TUBD1: variants seen among roughly 807,000 people sequenced by gnomAD.
The protein encoded by TUBD1 is tubulin delta chain.
Under a neutral mutation model 51.2 loss-of-function variants are expected in TUBD1, and 38 were observed. That is an observed-to-expected ratio of 0.74 (90% CI 0.57 to 0.97). The LOEUF (loss-of-function observed/expected upper bound fraction) is 0.97, where lower values mean the gene tolerates loss of function less well. Among genes scored for constraint, TUBD1 ranks in the 50% least tolerant of loss-of-function variants. The pLI is 0.00. For synonymous variants in TUBD1, 169 were observed against 178.2 expected (o/e 0.95, Z 0.41); for missense variants, 489 against 538.4 (o/e 0.91, Z 0.91).
intron 1 of TUBD1, among the ~76,000 whole-genome samples, chr17:59,891,480 T>C (rs2041030741): frequency 6.6e-6 from 1 of 152,064 alleles, no homozygotes; most frequent in Non-Finnish European, 1.5e-5. Context: ...ATATTGGAGA[T>C]AGAACAGCTG....
At chr17:59,880,564 G>A (rs1369282221) in intron 4 of TUBD1, among the ~76,000 whole-genome samples, 1 of 152,016 alleles carries the variant, frequency 6.6e-6, no homozygotes, top group South Asian at 2.1e-4. Flanking sequence ...GCCCAGGCTG[G>A]AGTACGGTAG....
Position 59,860,431 on chromosome 17 carries a change from GAAAA to G in TUBD1, c.1260-11_1260-8del. 15 of 1,155,578 alleles carry G rather than the reference GAAAA, an allele frequency of 1.3e-5. No homozygotes were observed. The highest frequency in any genetic ancestry group is 4.8e-5 in the Admixed American group (2 of 41,392). The allele number at this position is 1,155,578 out of a possible 1,614,324, so 71.6% of individuals were successfully genotyped here. ...GTACTGATGAATGTAGGCTCTGGTA[GAAAA>G]AAAAAAAAAACAGAAATTACAAAAT... On this transcript the variant is annotated splice_region_variant and splice_polypyrimidine_tract_variant and intron_variant, in intron 8 of 8. Coordinates refer to ENST00000325752, the MANE Select transcript of TUBD1 (RefSeq NM_016261.4).
chr17:59,876,995 G>A (rs973279284), intron 5 of TUBD1, among the ~76,000 whole-genome samples: 15 of 152,064 alleles, frequency 9.9e-5, no homozygotes, highest in African/African-American at 3.4e-4. Flanking sequence ...GAGTAGCTGG[G>A]ATTACAGGTA....
intron 5 of TUBD1, among the ~76,000 whole-genome samples, chr17:59,876,663 TA>T (rs1199385226): frequency 6.6e-6 from 1 of 151,488 alleles, no homozygotes; most frequent in Non-Finnish European, 1.5e-5. Flanking sequence ...GGCCACTTTT[TA>T]AATTCTTAGT....
intron 5 of TUBD1, among the ~76,000 whole-genome samples, chr17:59,876,183 C>CT (rs58236573): frequency 0.56 from 83,379 of 149,216 alleles, 25,183 homozygotes; most frequent in African/African-American, 0.82. Context: ...GGCATGAATT[C>CT]TTTTTTTTTT....
chr17:59,878,032 C>G, intron 5 of TUBD1, 71 bp downstream of exon 5: 1 of 1,240,818 alleles, frequency 8.1e-7, no homozygotes, highest in East Asian at 2.4e-5. Flanking sequence ...GAGGAGGAGA[C>G]AGAAAGAATA....
intron 7 of TUBD1, among the ~76,000 whole-genome samples, chr17:59,866,371 A>G (rs1445613527): frequency 6.6e-6 from 1 of 151,696 alleles, no homozygotes; most frequent in Non-Finnish European, 1.5e-5. Flanking sequence ...AGTAACTGGG[A>G]CTACATGCGT....
At chr17:59,881,887 TCA>T (rs2144543082) in intron 3 of TUBD1, among the ~76,000 whole-genome samples, 1 of 152,124 alleles carries the variant, frequency 6.6e-6, no homozygotes, top group East Asian at 1.9e-4. Context: ...CAGGCTGGTC[TCA>T]AACTCCTGAA....
chr17:59,886,374 G>A (rs2040726992), intron 2 of TUBD1, 144 bp from the exon 3 acceptor site: 2 of 831,454 alleles, frequency 2.4e-6, no homozygotes, highest in East Asian at 2.7e-5. Context: ...CTGTCGTACT[G>A]CTTAGAAATC....
chr17:59,880,577 C>A (rs954762473), intron 4 of TUBD1, among the ~76,000 whole-genome samples: 2 of 151,944 alleles, frequency 1.3e-5, no homozygotes, highest in African/African-American at 4.8e-5. Flanking sequence ...TACGGTAGCG[C>A]GATCTTGGCT....
intron 6 of TUBD1, among the ~76,000 whole-genome samples, chr17:59,870,005 C>T (rs183058056): frequency 6.6e-6 from 1 of 151,986 alleles, no homozygotes; most frequent in East Asian, 1.9e-4. Context: ...GACTGCACAA[C>T]AAGAAAAAGC....
In TUBD1 at chr17:59,863,635, A is replaced by G. The variant is rs755374881; in HGVS notation, c.1259+29T>C. On this transcript the variant is annotated intron_variant, in intron 8 of 8. Coordinates refer to ENST00000325752, the MANE Select transcript of TUBD1 (RefSeq NM_016261.4). Reference sequence around the variant, plus strand: ...CTGTCTCAAAAAAAAAAAAAAAAAGAAAGGTTTGTAGACTTATTTTATACT... The same window carrying G: ...CTGTCTCAAAAAAAAAAAAAAAAAGGAAGGTTTGTAGACTTATTTTATACT... The G allele has an allele frequency of 4.9e-6, 7 of 1,426,158 alleles. No homozygotes were observed. In the South Asian group the frequency reaches 9.4e-5, roughly 19 times the overall value. 88.3% of individuals were successfully genotyped at this position (1,426,158 alleles called of 1,614,324 possible). A position where few individuals can be genotyped will look rare whatever the true frequency, so the allele number is the denominator to read the frequency against.
intron 5 of TUBD1, among the ~76,000 whole-genome samples, chr17:59,876,184 T>TG (rs1467756049): frequency 3.0e-5 from 1 of 33,036 alleles, no homozygotes; most frequent in Non-Finnish European, 4.8e-5. Flanking sequence ...GCATGAATTC[T>TG]TTTTTTTTTC....
chr17:59,891,502 G>A (rs1203951483), intron 1 of TUBD1, among the ~76,000 whole-genome samples: 1 of 152,134 alleles, frequency 6.6e-6, no homozygotes, highest in Non-Finnish European at 1.5e-5. Context: ...GTTGTCTAAG[G>A]AGCTAGTCAT....
intron 6 of TUBD1, among the ~76,000 whole-genome samples, chr17:59,870,088 C>T (rs775800713): frequency 3.9e-5 from 6 of 151,944 alleles, no homozygotes; most frequent in Admixed American, 2.0e-4. Context: ...AGGCTGGGCA[C>T]GGTGGCTTAT....
At chr17:59,866,510 C>A in intron 7 of TUBD1, 99 bp downstream of exon 7, 1 of 1,484,662 alleles carries the variant, frequency 6.7e-7, no homozygotes, top group Non-Finnish European at 9.1e-7. Context: ...TTATTACTTT[C>A]CTTTCTCCAA....
chr17:59,879,900 G>A (rs896676946), intron 4 of TUBD1, among the ~76,000 whole-genome samples: 1 of 151,820 alleles, frequency 6.6e-6, no homozygotes, highest in Non-Finnish European at 1.5e-5. Context: ...CTACAGGTGT[G>A]TGCCACCACA....
At chr17:59,876,359 G>GTTT (rs886233329) in intron 5 of TUBD1, among the ~76,000 whole-genome samples, 2 of 133,896 alleles carry the variant, frequency 1.5e-5, no homozygotes, top group Non-Finnish European at 3.2e-5. Flanking sequence ...TTTTTTTTTT[G>GTTT]TTTTTTTTTT....
intron 3 of TUBD1, 116 bp downstream of exon 3, chr17:59,885,967 A>T: frequency 8.5e-7 from 1 of 1,172,566 alleles, no homozygotes; most frequent in East Asian, 2.4e-5. Context: ...CTAAATCTAA[A>T]ACAGCAATTT....
Sources: allele counts gnomAD v4.1 joint callset (sites outside exome capture counted in the v4.1 genomes callset), GRCh38; gene constraint gnomAD v4.1.1; transcripts MANE v1.5; gene names NCBI Gene and HGNC (gene_info 2026-07-23, HGNC 2026-07-21).